The following PKNOX1 variants were observed in gnomAD, a reference collection of about 807,000 sequenced individuals.
PKNOX1 encodes homeobox protein PKNOX1.
PKNOX1 carries 15 observed loss-of-function variants against 51.9 expected under a neutral mutation model. That is an observed-to-expected ratio of 0.29 (90% confidence interval 0.19 to 0.45). PKNOX1 has a LOEUF of 0.45. PKNOX1 is among the 20% of genes least tolerant of loss of function. The probability of loss-of-function intolerance (pLI) is 1.00; values close to 1 mark genes in which losing one functional copy is unlikely to be tolerated. For synonymous variants in PKNOX1, 219 were observed against 211.1 expected (o/e 1.04, Z -0.32); for missense variants, 462 against 547.5 (o/e 0.84, Z 1.56).
chr21:42,991,008 T>C (rs750154495), intron 1 of PKNOX1, among the ~76,000 whole-genome samples: 2 of 151,916 alleles, frequency 1.3e-5, no homozygotes, highest in Non-Finnish European at 2.9e-5. Flanking sequence ...GAGAGAAGGG[T>C]TGGGGAAGGT....
chr21:43,003,552 C>T (rs234769), intron 1 of PKNOX1, among the ~76,000 whole-genome samples: 53,868 of 151,954 alleles, frequency 0.35, 9,852 homozygotes, highest in African/African-American at 0.41. Context: ...CCAGTCTCGA[C>T]GTAACAGCAT....
chr21:42,978,862 C>T (rs2059012051), intron 1 of PKNOX1, among the ~76,000 whole-genome samples: 2 of 152,086 alleles, frequency 1.3e-5, no homozygotes, highest in South Asian at 4.2e-4. Context: ...TCAAGTGGTC[C>T]TCCTGCCTCA....
chr21:43,008,088 C>CACACAT (rs1979081140), intron 3 of PKNOX1, among the ~76,000 whole-genome samples: 1 of 151,636 alleles, frequency 6.6e-6, no homozygotes, highest in African/African-American at 2.4e-5. Flanking sequence ...CACACACACA[C>CACACAT]ACACACACAA....
chr21:43,007,547 T>C lies in PKNOX1; in HGVS notation c.108T>C (p.Asp36=), dbSNP rs765832859. 2.5e-6 allele frequency: 4 copies of C among 1,614,010 alleles called. No individual in the cohort carries two copies. The Admixed American group carries it at 5.0e-5, about 20-fold the overall frequency. Residue 36 remains aspartate (D), a synonymous_variant, in exon 3 of 11, where the codon GAT becomes GAC. Transcript: ENST00000291547. ...AAGATCCAAACTGCTCTGAACCCGA[T>C]GCAGAAGGAGTGAGCCCTCCCCCTG... ...TEQDPNCSEP[D]AEGVSPPPVE...
At chr21:42,986,784 C>T (rs968690982) in intron 1 of PKNOX1, among the ~76,000 whole-genome samples, 1 of 152,192 alleles carries the variant, frequency 6.6e-6, no homozygotes. Context: ...GTCTCTGGAT[C>T]TGACTGTTGT....
chr21:43,016,161 C>G (rs1979479373), intron 5 of PKNOX1, among the ~76,000 whole-genome samples: 1 of 152,252 alleles, frequency 6.6e-6, no homozygotes, highest in Non-Finnish European at 1.5e-5. Flanking sequence ...GCTCACATGT[C>G]AGGGCACATG....
chr21:42,986,189 C>T (rs776478177), intron 1 of PKNOX1, among the ~76,000 whole-genome samples: 1 of 151,930 alleles, frequency 6.6e-6, no homozygotes, highest in Non-Finnish European at 1.5e-5. Flanking sequence ...CAAATGATAC[C>T]TCGCCAAACC....
In PKNOX1 at chr21:43,030,068, G is replaced by A. The variant is rs1447266184; in HGVS notation, c.1278G>A (p.Gly426=). ...AGALAPAHIS[G]LVLENSDSLQ ...CCCTGGCCCCTGCCCACATCAGCGG[G>A]CTGGTCTTGGAGAACAGTGACTCCC... The change falls in exon 11 of 11, where the codon GGG becomes GGA. Residue 426 remains glycine (G), a synonymous_variant. Coordinates refer to ENST00000291547, the MANE Select transcript of PKNOX1 (RefSeq NM_004571.5). 1 of 1,608,476 alleles carries A rather than the reference G, an allele frequency of 6.2e-7. No homozygotes were observed. The highest frequency in any genetic ancestry group is 8.5e-7 in the Non-Finnish European group (1 of 1,175,354).
At chr21:43,029,405 T>A (rs1013048906) in intron 10 of PKNOX1, among the ~76,000 whole-genome samples, 2 of 146,460 alleles carry the variant, frequency 1.4e-5, no homozygotes, top group Non-Finnish European at 3.0e-5. Flanking sequence ...GTTTTTATTT[T>A]TTTTTATTTG....
chr21:42,981,348 G>T (rs2059024513), intron 1 of PKNOX1, among the ~76,000 whole-genome samples: 1 of 152,176 alleles, frequency 6.6e-6, no homozygotes, highest in African/African-American at 2.4e-5. Flanking sequence ...CTTGGCAGAT[G>T]GTAGCTCCTT....
intron 8 of PKNOX1, 84 bp from the exon 9 acceptor site, chr21:43,024,787 A>G (rs963634192): frequency 2.4e-6 from 2 of 828,994 alleles, no homozygotes; most frequent in Admixed American, 1.9e-5. Flanking sequence ...TCTAATGATT[A>G]TGTAATGCTC....
intron 1 of PKNOX1, among the ~76,000 whole-genome samples, chr21:43,002,402 G>A (rs1021545944): frequency 3.8e-5 from 2 of 53,218 alleles, no homozygotes; most frequent in East Asian, 6.8e-4. Context: ...CTCATTGACT[G>A]TGCCCCCTCC....
chr21:43,015,483 G>A (rs1979448874), intron 5 of PKNOX1, among the ~76,000 whole-genome samples: 1 of 152,032 alleles, frequency 6.6e-6, no homozygotes, highest in African/African-American at 2.4e-5. Context: ...GAATTCTATT[G>A]GCTAATATTT....
chr21:43,014,425 T>C (rs1373914628), intron 5 of PKNOX1, among the ~76,000 whole-genome samples: 1 of 152,196 alleles, frequency 6.6e-6, no homozygotes, highest in Non-Finnish European at 1.5e-5. Flanking sequence ...GGTTTGCAAG[T>C]GTTTTCTCCA....
At chr21:42,984,222 T>G (rs543786782) in intron 1 of PKNOX1, among the ~76,000 whole-genome samples, 1 of 151,256 alleles carries the variant, frequency 6.6e-6, no homozygotes, top group South Asian at 2.1e-4. Context: ...CTTAAAGACA[T>G]GGGCCCCTGT....
rs183451746 is a variant in PKNOX1 at position 43,001,654 on chromosome 21, A to G, written c.-56-2672A>G. ...CTCATAAAGTCTTAAGGCTTTAAAC[A>G]CATTAAATATCTAAAAATAAAGTTG... On this transcript the variant is annotated intron_variant, in intron 1 of 10. Transcript: ENST00000291547. 1.0e-3 allele frequency among the ~76,000 whole-genome samples: 153 copies of G among 152,234 alleles called. No individual in the cohort carries two copies. The East Asian group carries it at 0.028, about 28-fold the overall frequency.
intron 9 of PKNOX1, among the ~76,000 whole-genome samples, chr21:43,028,426 A>T (rs1429153438): frequency 7.1e-6 from 1 of 140,892 alleles, no homozygotes; most frequent in Non-Finnish European, 1.5e-5. Context: ...CTAGTTCACA[A>T]ACATGCCCTA....
chr21:43,008,770 G>A lies in PKNOX1; in HGVS notation c.179+1152G>A, dbSNP rs143518501. On this transcript the variant is annotated intron_variant, in intron 3 of 10. Coordinates refer to ENST00000291547, the MANE Select transcript of PKNOX1 (RefSeq NM_004571.5). ...CTCCAGTCTGAGTGACAGAGAGTGA[G>A]GCCCTATCTCAAAAAAAAAAAATTT... is the stretch of plus-strand genomic sequence containing the variant. Among the ~76,000 whole-genome samples the A allele has an allele frequency of 3.7e-3, 564 of 151,374 alleles. 3 individuals are homozygous for A. The highest frequency in any genetic ancestry group is 0.031 in the Middle Eastern group (9 of 294).
rs564864652 is a variant in PKNOX1, at chr21:43,011,413, C to G, written c.351+1189C>G. ...GACAGTGATTTGTGATGCCCTCCCC[C>G]CAGGGCCAGGGCTCCAAAATCCAGC... is the stretch of plus-strand genomic sequence containing the variant. On this transcript the variant is annotated intron_variant, in intron 4 of 10. Transcript: ENST00000291547. Among the ~76,000 whole-genome samples the G allele has an allele frequency of 3.3e-5, 5 of 152,286 alleles. No homozygotes were observed. In the South Asian group the frequency reaches 8.3e-4, roughly 25 times the overall value.
Sources: allele counts gnomAD v4.1 joint callset (sites outside exome capture counted in the v4.1 genomes callset), GRCh38; gene constraint gnomAD v4.1.1; transcripts MANE v1.5; gene names NCBI Gene and HGNC (gene_info 2026-07-23, HGNC 2026-07-21).